The following TRPC4 variants were observed in gnomAD, a reference collection of about 807,000 sequenced individuals.
The protein encoded by TRPC4 is transient receptor potential cation channel subfamily C member 4, also known as short transient receptor potential channel 4.
In TRPC4, 49 loss-of-function variants were observed where a neutral mutation model predicts 99.4. The ratio of observed to expected loss-of-function variants is 0.49; its 90% confidence interval spans 0.39 to 0.63. The LOEUF (loss-of-function observed/expected upper bound fraction) is 0.63, where lower values mean the gene tolerates loss of function less well. TRPC4 is among the 20% of genes least tolerant of loss of function. The pLI is 0.00. For missense variants in TRPC4, 898 were observed against 1,152.9 expected (o/e 0.78, Z 3.20); for synonymous variants, 454 against 425.9 (o/e 1.07, Z -0.81).
At position 37,835,367 on chromosome 13, in the gene TRPC4, T is replaced by A. The variant is rs551674199; in HGVS notation, c.-28+34228A>T. Reference sequence around the variant, plus strand: ...CCATTTCTCTCTCTGGTATTAATGGTTCATGTATGCTTGTTTCTGCTAAAG... The same window carrying A: ...CCATTTCTCTCTCTGGTATTAATGGATCATGTATGCTTGTTTCTGCTAAAG... On this transcript the variant is annotated intron_variant, in intron 1 of 10. Transcript: ENST00000379705. 2.4e-4 allele frequency among the ~76,000 whole-genome samples: 37 copies of A among 152,326 alleles called. No individual in the cohort carries two copies. The South Asian group carries it at 6.8e-3, about 28-fold the overall frequency.
At chr13:37,749,182 T>A (rs1317952036) in intron 2 of TRPC4, among the ~76,000 whole-genome samples, 2 of 152,058 alleles carry the variant, frequency 1.3e-5, no homozygotes, top group African/African-American at 2.4e-5. Flanking sequence ...TCTGCCACGA[T>A]TATAAGTTTC....
intron 3 of TRPC4, among the ~76,000 whole-genome samples, chr13:37,715,917 T>C (rs1954647510): frequency 6.6e-6 from 1 of 152,166 alleles, no homozygotes; most frequent in Admixed American, 6.6e-5. Flanking sequence ...CTATGACAGA[T>C]ACAGCGAAGT....
chr13:37,869,479 C>A (rs758654204), intron 1 of TRPC4, 116 bp downstream of exon 1: 3 of 152,362 alleles, frequency 2.0e-5, no homozygotes, highest in South Asian at 2.1e-4. Context: ...CAGGGATGTC[C>A]GCCTCCCAGA....
Position 37,797,003 on chromosome 13 carries a change from GTAAAA to G in TRPC4, c.-27-13648_-27-13644del, listed in dbSNP as rs1230359618. ...GTAAAGTAAAGTAAAGTAAAGTAAA[GTAAAA>G]TAAAATAAAATACAAGTAAGAATTA... On this transcript the variant is annotated intron_variant, in intron 1 of 10. Transcript: ENST00000379705. Among the ~76,000 whole-genome samples, 119 of 131,426 alleles carry G rather than the reference GTAAAA, an allele frequency of 9.1e-4. 1 individual carries two copies. Among genetic ancestry groups the G allele is most frequent in the South Asian group, 9.0e-3 (39 of 4,310 alleles). The allele number at this position is 131,426 out of a possible 152,430, so 86.2% of individuals were successfully genotyped here.
Position 37,782,938 on chromosome 13 carries a change from CTG to C in TRPC4, c.378+16_378+17del, listed in dbSNP as rs767732275. Reference sequence around the variant, plus strand: ...TTCTGCAGGTAAAATAAATTAAAAACTGTATTTTTGCAGGTACCTGTTTTTCT... The same window carrying C: ...TTCTGCAGGTAAAATAAATTAAAAACTATTTTTGCAGGTACCTGTTTTTCT... On this transcript the variant is annotated intron_variant, in intron 2 of 10. Coordinates refer to ENST00000379705, the MANE Select transcript of TRPC4 (RefSeq NM_016179.4). The C allele has an allele frequency of 7.2e-6, 10 of 1,385,658 alleles. No individual in the cohort carries two copies. In the African/African-American group the frequency reaches 1.3e-4, roughly 18 times the overall value. The allele number at this position is 1,385,658 out of a possible 1,614,324, so 85.8% of individuals were successfully genotyped here. A position where few individuals can be genotyped will look rare whatever the true frequency, so the allele number is the denominator to read the frequency against.
intron 1 of TRPC4, among the ~76,000 whole-genome samples, chr13:37,863,897 C>A (rs1282508183): frequency 6.6e-6 from 1 of 151,634 alleles, no homozygotes; most frequent in Non-Finnish European, 1.5e-5. Context: ...AGCACATAGT[C>A]AGCACTATTA....
rs560369613 is a variant in TRPC4, at chr13:37,682,121, T to C, written c.1235-7754A>G. Among the ~76,000 whole-genome samples the C allele has an allele frequency of 8.5e-5, 13 of 152,310 alleles. No homozygotes were observed. In the South Asian group the frequency reaches 2.7e-3, roughly 32 times the overall value. Reference sequence around the variant, plus strand: ...TGCAAATAGATCTCCTGTCATTCCCTTTCTTACTGTCCGTACTTACACCAA... The same window carrying C: ...TGCAAATAGATCTCCTGTCATTCCCCTTCTTACTGTCCGTACTTACACCAA... On this transcript the variant is annotated intron_variant, in intron 4 of 10. Transcript: ENST00000379705.
chr13:37,639,480 G>A (rs951757267), intron 8 of TRPC4, among the ~76,000 whole-genome samples, 181 bp from the exon 9 acceptor site: 4 of 152,090 alleles, frequency 2.6e-5, no homozygotes, highest in African/African-American at 9.7e-5. Context: ...GAACAAGAGT[G>A]TATAATCTAT....
At chr13:37,723,250 C>CA (rs1202570184) in intron 3 of TRPC4, among the ~76,000 whole-genome samples, 5 of 151,796 alleles carry the variant, frequency 3.3e-5, no homozygotes, top group Non-Finnish European at 7.4e-5. Context: ...TACGCCCAGA[C>CA]AAAAAACATA....
chr13:37,779,693 T>A (rs1325388430), intron 2 of TRPC4, among the ~76,000 whole-genome samples: 1 of 151,966 alleles, frequency 6.6e-6, no homozygotes, highest in Non-Finnish European at 1.5e-5. Flanking sequence ...TACATAACAA[T>A]CCCAGACCCC....
chr13:37,710,746 C>T (rs1279190875), intron 3 of TRPC4, among the ~76,000 whole-genome samples: 1 of 151,836 alleles, frequency 6.6e-6, no homozygotes, highest in African/African-American at 2.4e-5. Flanking sequence ...TCTGTCTTGT[C>T]TCTAAGGTAT....
intron 1 of TRPC4, among the ~76,000 whole-genome samples, chr13:37,829,776 T>A (rs1176534654): frequency 6.6e-6 from 1 of 151,930 alleles, no homozygotes; most frequent in Non-Finnish European, 1.5e-5. Context: ...TAAAATCAAA[T>A]ATATATATAT....
At chr13:37,691,695 T>A (rs1295772622) in intron 4 of TRPC4, among the ~76,000 whole-genome samples, 1 of 152,232 alleles carries the variant, frequency 6.6e-6, no homozygotes, top group East Asian at 1.9e-4. Flanking sequence ...TTACATATAG[T>A]CAATGAGATA....
Position 37,837,954 on chromosome 13 carries a change from C to T in TRPC4, c.-28+31641G>A, listed in dbSNP as rs115215952. On this transcript the variant is annotated intron_variant, in intron 1 of 10. Coordinates refer to ENST00000379705, the MANE Select transcript of TRPC4 (RefSeq NM_016179.4). Reference sequence around the variant, plus strand: ...TTCTTGTGACAGTGGATAAGTCTCACGAGGGCTGATGGTTTCAGAAGGAGG... The same window carrying T: ...TTCTTGTGACAGTGGATAAGTCTCATGAGGGCTGATGGTTTCAGAAGGAGG... 2.9e-3 allele frequency among the ~76,000 whole-genome samples: 441 copies of T among 152,194 alleles called. 1 individual carries two copies. The highest frequency in any genetic ancestry group is 0.01 in the African/African-American group (430 of 41,522).
chr13:37,705,976 C>T (rs1052211696), intron 3 of TRPC4, among the ~76,000 whole-genome samples: 3 of 152,126 alleles, frequency 2.0e-5, no homozygotes, highest in African/African-American at 4.8e-5. Flanking sequence ...CTTTCAACTC[C>T]GCTTCAGATT....
intron 3 of TRPC4, among the ~76,000 whole-genome samples, chr13:37,736,895 ATTTTTTT>A (rs34176145): frequency 1.6e-5 from 2 of 127,744 alleles, no homozygotes; most frequent in Non-Finnish European, 3.3e-5. Context: ...TGCCTGGCTA[ATTTTTTT>A]TTTTTTTTTT....
intron 3 of TRPC4, among the ~76,000 whole-genome samples, chr13:37,715,267 A>G (rs769264028): frequency 6.6e-6 from 1 of 152,230 alleles, no homozygotes; most frequent in Non-Finnish European, 1.5e-5. Flanking sequence ...TTTGCAGGCC[A>G]GATATGCATA....
At chr13:37,709,970 A>AG (rs1173942328) in intron 3 of TRPC4, among the ~76,000 whole-genome samples, 1 of 151,988 alleles carries the variant, frequency 6.6e-6, no homozygotes, top group Non-Finnish European at 1.5e-5. Flanking sequence ...ATATCATGGA[A>AG]GGAGAGGCTG....
intron 1 of TRPC4, among the ~76,000 whole-genome samples, chr13:37,861,480 CATT>C (rs1226945954): frequency 6.6e-6 from 1 of 151,632 alleles, no homozygotes; most frequent in Non-Finnish European, 1.5e-5. Flanking sequence ...TTTAGTGGTT[CATT>C]GCTAAATACA....
Sources: gnomAD v4.1 joint callset for allele counts (sites outside exome capture counted in the v4.1 genomes callset) on GRCh38, gnomAD v4.1.1 for gene constraint, MANE v1.5 for transcripts, NCBI Gene and HGNC (gene_info 2026-07-23, HGNC 2026-07-21) for gene names.